The following CPQ variants were observed in gnomAD, a reference collection of about 807,000 sequenced individuals.
The protein encoded by CPQ is carboxypeptidase Q.
CPQ carries 37 observed loss-of-function variants against 45.7 expected under a neutral mutation model. The ratio of observed to expected loss-of-function variants is 0.81; its 90% CI spans 0.62 to 1.07. The LOEUF is 1.07. CPQ is among the 50% of genes least tolerant of loss of function. The probability of loss-of-function intolerance (pLI) is 0.00; values close to 1 mark genes in which losing one functional copy is unlikely to be tolerated. For synonymous variants in CPQ, 186 were observed against 205.8 expected, an observed-to-expected ratio of 0.90 and a Z score of 0.82; for missense variants, 537 against 572.9, an observed-to-expected ratio of 0.94 and a Z score of 0.64.
intron 5 of CPQ, among the ~76,000 whole-genome samples, chr8:96,991,843 T>C (rs1478210975): frequency 1.3e-5 from 2 of 152,120 alleles, no homozygotes; most frequent in African/African-American, 4.8e-5. Context: ...TCCCTAGAGT[T>C]TGGTGGATTT....
chr8:96,796,871 G>A (rs576134132), intron 2 of CPQ, among the ~76,000 whole-genome samples: 1 of 152,332 alleles, frequency 6.6e-6, no homozygotes, highest in African/African-American at 2.4e-5. Context: ...AGCTCAATGT[G>A]CAGAGTTGAC....
chr8:96,821,604 G>C (rs1394696407), intron 2 of CPQ, among the ~76,000 whole-genome samples: 1 of 151,744 alleles, frequency 6.6e-6, no homozygotes, highest in African/African-American at 2.4e-5. Flanking sequence ...TAATAAATTA[G>C]TATGAGTTTA....
chr8:97,026,623 G>T (rs541493485), intron 5 of CPQ, among the ~76,000 whole-genome samples: 13 of 152,280 alleles, frequency 8.5e-5, no homozygotes, highest in African/African-American at 2.9e-4. Context: ...TCTTCCTAAG[G>T]CCTTCACTCT....
intron 6 of CPQ, among the ~76,000 whole-genome samples, chr8:97,043,506 T>C (rs1297345287): frequency 2.0e-5 from 3 of 152,208 alleles, no homozygotes; most frequent in African/African-American, 7.2e-5. Flanking sequence ...AATATTGTTA[T>C]GTGTCAATTT....
At chr8:96,916,657 A>T (rs1004627163) in intron 4 of CPQ, among the ~76,000 whole-genome samples, 6 of 152,152 alleles carry the variant, frequency 3.9e-5, no homozygotes, top group African/African-American at 7.2e-5. Context: ...TCCATAGCTT[A>T]TTTAGATTCC....
intron 2 of CPQ, among the ~76,000 whole-genome samples, chr8:96,806,806 G>T (rs1436482049): frequency 6.6e-6 from 1 of 152,132 alleles, no homozygotes; most frequent in African/African-American, 2.4e-5. Context: ...AGATGGGGGA[G>T]ATAAAGCATC....
chr8:96,960,690 A>G (rs1457312954), intron 4 of CPQ, among the ~76,000 whole-genome samples: 4 of 152,152 alleles, frequency 2.6e-5, no homozygotes, highest in Non-Finnish European at 2.9e-5. Flanking sequence ...TAACTTTGGT[A>G]TACCATTGCT....
intron 4 of CPQ, among the ~76,000 whole-genome samples, chr8:96,951,853 GT>G (rs34580107): frequency 4.7e-5 from 7 of 149,272 alleles, no homozygotes; most frequent in Admixed American, 6.7e-5. Flanking sequence ...AGAGAGAATT[GT>G]TTTTTTTTTG....
intron 1 of CPQ, among the ~76,000 whole-genome samples, chr8:96,762,675 G>T (rs1236211283): frequency 1.3e-5 from 2 of 152,118 alleles, no homozygotes; most frequent in African/African-American, 2.4e-5. Context: ...GGGCATCTGA[G>T]ATTGTTTTAC....
chr8:96,969,645 T>TA (rs1345770426), intron 5 of CPQ, among the ~76,000 whole-genome samples: 1 of 152,132 alleles, frequency 6.6e-6, no homozygotes, highest in African/African-American at 2.4e-5. Flanking sequence ...TGTGTGTCAT[T>TA]AAAAATGAGA....
intron 7 of CPQ, among the ~76,000 whole-genome samples, chr8:97,106,595 T>C (rs1012774737): frequency 9.2e-5 from 14 of 152,222 alleles, no homozygotes; most frequent in African/African-American, 3.4e-4. Context: ...ATTAAATTCT[T>C]CAGTTGCACT....
At chr8:97,101,581 T>C (rs1586541888) in intron 7 of CPQ, among the ~76,000 whole-genome samples, 1 of 148,218 alleles carries the variant, frequency 6.7e-6, no homozygotes, top group South Asian at 2.1e-4. Context: ...TCTTTTTTTT[T>C]TTTTTTTTTT....
At chr8:96,804,216 G>A (rs1159872483) in intron 2 of CPQ, among the ~76,000 whole-genome samples, 1 of 152,176 alleles carries the variant, frequency 6.6e-6, no homozygotes, top group Non-Finnish European at 1.5e-5. Flanking sequence ...GAAATAAGTG[G>A]ATGGTGCTAG....
At chr8:97,137,479 C>T (rs938203668) in intron 7 of CPQ, among the ~76,000 whole-genome samples, 1 of 152,180 alleles carries the variant, frequency 6.6e-6, no homozygotes, top group Non-Finnish European at 1.5e-5. Flanking sequence ...ATGAATTTGA[C>T]ATTCACCTGA....
intron 1 of CPQ, among the ~76,000 whole-genome samples, chr8:96,781,127 G>A (rs988567904): frequency 5.9e-5 from 9 of 152,008 alleles, no homozygotes; most frequent in South Asian, 2.1e-4. Context: ...TAATGCTTTC[G>A]CAAAATAATA....
intron 6 of CPQ, among the ~76,000 whole-genome samples, chr8:97,037,907 T>A (rs1297971033): frequency 6.6e-6 from 1 of 152,214 alleles, no homozygotes; most frequent in Non-Finnish European, 1.5e-5. Flanking sequence ...TCAACTCATC[T>A]CTTTGCTTTA....
At chr8:96,749,330 A>T (rs1810229948) in intron 1 of CPQ, among the ~76,000 whole-genome samples, 1 of 152,216 alleles carries the variant, frequency 6.6e-6, no homozygotes. Context: ...TCTGTCAAAG[A>T]GCAGTCAAGA....
intron 1 of CPQ, among the ~76,000 whole-genome samples, chr8:96,648,700 A>G (rs1177655489): frequency 6.6e-6 from 1 of 152,174 alleles, no homozygotes; most frequent in African/African-American, 2.4e-5. Context: ...CTTCCAGGAA[A>G]GAGGTATGAT....
At chr8:96,741,377 T>C (rs973562678) in intron 1 of CPQ, among the ~76,000 whole-genome samples, 1 of 152,206 alleles carries the variant, frequency 6.6e-6, no homozygotes, top group Non-Finnish European at 1.5e-5. Flanking sequence ...TTTTCTTTAT[T>C]AGTCTTGCTA....
Sources: gnomAD v4.1 joint callset for allele counts (sites outside exome capture counted in the v4.1 genomes callset) on GRCh38, gnomAD v4.1.1 for gene constraint, MANE v1.5 for transcripts, NCBI Gene and HGNC (gene_info 2026-07-23, HGNC 2026-07-21) for gene names.